The following GAS2 variants were observed in gnomAD, a reference collection of about 807,000 sequenced individuals.
GAS2 encodes growth arrest specific 2.
In GAS2, 20 loss-of-function variants were observed where a neutral mutation model predicts 37.5. The observed-to-expected ratio is 0.53, with a 90% CI of 0.37 to 0.77. The LOEUF is 0.77. Among genes scored for constraint, GAS2 ranks in the 30% least tolerant of loss-of-function variants. The pLI, the probability that GAS2 is intolerant of heterozygous loss-of-function variation, is 0.00. For synonymous variants in GAS2, 144 were observed against 132.2 expected (o/e 1.09, Z -0.61); for missense variants, 336 against 373.4 (o/e 0.90, Z 0.82).
intron 1 of GAS2, among the ~76,000 whole-genome samples, chr11:22,635,749 G>C (rs1273457545): frequency 1.3e-5 from 2 of 152,224 alleles, no homozygotes; most frequent in Non-Finnish European, 2.9e-5. Context: ...ACTGACTTCT[G>C]TGAGGTAGGA....
chr11:22,708,640 A>G lies in GAS2; in HGVS notation c.268-17652A>G, dbSNP rs73480096. On this transcript the variant is annotated intron_variant, in intron 3 of 7. Transcript: ENST00000454584. Reference sequence around the variant, plus strand: ...TATATATGGAATATATGCCTCGGCTACAATCATATTTGTATTTATTCAATA... The same window carrying G: ...TATATATGGAATATATGCCTCGGCTGCAATCATATTTGTATTTATTCAATA... 2.5e-3 allele frequency among the ~76,000 whole-genome samples: 374 copies of G among 152,274 alleles called. 3 individuals are homozygous for G. The highest frequency in any genetic ancestry group is 8.8e-3 in the African/African-American group (365 of 41,560).
chr11:22,795,135 C>G (rs1856365142), intron 7 of GAS2, among the ~76,000 whole-genome samples: 1 of 152,110 alleles, frequency 6.6e-6, no homozygotes. Flanking sequence ...ACAGAGTGCT[C>G]TATTCCATTT....
intron 2 of GAS2, among the ~76,000 whole-genome samples, chr11:22,675,987 T>A (rs1489853855): frequency 6.6e-6 from 1 of 152,274 alleles, no homozygotes; most frequent in East Asian, 1.9e-4. Context: ...GGCTCTGGAT[T>A]TTTGCATGGC....
Position 22,743,724 on chromosome 11 carries a change from G to A in GAS2, c.474-5396G>A, listed in dbSNP as rs115785383. 7.5e-3 allele frequency among the ~76,000 whole-genome samples: 1,144 copies of A among 151,908 alleles called. 22 individuals are homozygous for A. The highest frequency in any genetic ancestry group is 0.026 in the African/African-American group (1,078 of 41,468). ...AGTGATTTGTGAAATTTTAGAAGTA[G>A]GTTATAAAGGAAATAGAAGAATAAG... On this transcript the variant is annotated intron_variant, in intron 5 of 7. Transcript: ENST00000454584.
At chr11:22,643,402 G>C (rs1032670778) in intron 1 of GAS2, among the ~76,000 whole-genome samples, 7 of 151,230 alleles carry the variant, frequency 4.6e-5, no homozygotes, top group African/African-American at 7.3e-5. Context: ...CACTGGAAGG[G>C]GCTTCTATGA....
chr11:22,679,832 C>CTG (rs147386597), intron 2 of GAS2, among the ~76,000 whole-genome samples: 83,790 of 151,222 alleles, frequency 0.55, 25,729 homozygotes, highest in East Asian at 0.76. Flanking sequence ...AATAAATCAT[C>CTG]AGATATATTA....
intron 7 of GAS2, among the ~76,000 whole-genome samples, chr11:22,767,364 A>G (rs1488715427): frequency 6.6e-6 from 1 of 152,088 alleles, no homozygotes; most frequent in Non-Finnish European, 1.5e-5. Flanking sequence ...TTTTTTAAAA[A>G]ACTTTGTATA....
intron 4 of GAS2, among the ~76,000 whole-genome samples, chr11:22,727,177 C>G (rs1488728563): frequency 6.6e-6 from 1 of 151,972 alleles, no homozygotes; most frequent in Non-Finnish European, 1.5e-5. Flanking sequence ...CATGTAGGCT[C>G]CACCACAGTA....
At chr11:22,775,913 C>T (rs1224409265) in intron 7 of GAS2, among the ~76,000 whole-genome samples, 2 of 152,138 alleles carry the variant, frequency 1.3e-5, no homozygotes, top group Non-Finnish European at 2.9e-5. Flanking sequence ...TTCATAGAGA[C>T]TAAGACATTA....
chr11:22,626,829 C>G (rs1858664281), intron 1 of GAS2: 1 of 152,158 alleles, frequency 6.6e-6, no homozygotes, highest in East Asian at 1.9e-4. Context: ...AGTCATTTTT[C>G]ATTTATTAAA....
At chr11:22,753,656 A>G (rs567018698) in intron 6 of GAS2, among the ~76,000 whole-genome samples, 13 of 152,178 alleles carry the variant, frequency 8.5e-5, no homozygotes, top group Admixed American at 7.9e-4. Context: ...TTTCTTCTGG[A>G]TGATCGACCC....
rs186147635 is a variant in GAS2 at position 22,792,416 on chromosome 11, T to C, written c.724-19382T>C. ...CTTTAGGAAATCATGAGAAAAATTA[T>C]AGAAATGAGAGAATAGAAATATAAA... On this transcript the variant is annotated intron_variant, in intron 7 of 7. Coordinates refer to ENST00000454584, the MANE Select transcript of GAS2 (RefSeq NM_001143830.3). Among the ~76,000 whole-genome samples the C allele has an allele frequency of 1.3e-3, 200 of 152,310 alleles. 2 individuals carry two copies. Among genetic ancestry groups the C allele is most frequent in the African/African-American group, 4.5e-3 (186 of 41,570 alleles).
At chr11:22,742,366 G>T (rs1304247105) in intron 5 of GAS2, among the ~76,000 whole-genome samples, 2 of 152,086 alleles carry the variant, frequency 1.3e-5, no homozygotes, top group Admixed American at 1.3e-4. Flanking sequence ...ATGTGGAGTG[G>T]TATAGAGTTC....
chr11:22,687,866 T>C (rs1850041163), intron 3 of GAS2, among the ~76,000 whole-genome samples: 1 of 152,200 alleles, frequency 6.6e-6, no homozygotes, highest in Non-Finnish European at 1.5e-5. Context: ...CATTACGAAG[T>C]TCCTGAAACT....
chr11:22,685,180 G>A (rs1327774350), intron 2 of GAS2, among the ~76,000 whole-genome samples: 2 of 152,020 alleles, frequency 1.3e-5, no homozygotes, highest in African/African-American at 4.8e-5. Flanking sequence ...GAGAGAGAGC[G>A]AGAGACCTAC....
chr11:22,731,143 T>C (rs1368603809), intron 4 of GAS2, among the ~76,000 whole-genome samples: 1 of 151,878 alleles, frequency 6.6e-6, no homozygotes, highest in African/African-American at 2.4e-5. Flanking sequence ...TAATTTGCAT[T>C]GGCCTATCAA....
chr11:22,712,826 C>T (rs1851471998), intron 3 of GAS2, among the ~76,000 whole-genome samples: 1 of 151,780 alleles, frequency 6.6e-6, no homozygotes, highest in African/African-American at 2.4e-5. Flanking sequence ...CCTGTAATTC[C>T]AGCACTTTAG....
At chr11:22,739,603 G>A (rs1484586549) in intron 5 of GAS2, among the ~76,000 whole-genome samples, 3 of 144,508 alleles carry the variant, frequency 2.1e-5, no homozygotes, top group African/African-American at 7.5e-5. Flanking sequence ...AAAAAGAAAG[G>A]GGAAGTTAAA....
chr11:22,745,591 A>G (rs758515335), intron 5 of GAS2, among the ~76,000 whole-genome samples: 86 of 152,188 alleles, frequency 5.7e-4, no homozygotes, highest in Middle Eastern at 6.3e-3. Context: ...ACAAAAATTG[A>G]CAAGTGGGAC....
Sources: gnomAD v4.1 joint callset for allele counts (sites outside exome capture counted in the v4.1 genomes callset) on GRCh38, gnomAD v4.1.1 for gene constraint, MANE v1.5 for transcripts, NCBI Gene and HGNC (gene_info 2026-07-23, HGNC 2026-07-21) for gene names.